DMXL1: variants seen among roughly 807,000 people sequenced by gnomAD.
DMXL1 encodes Dmx like 1.
A neutral mutation model predicts 319.2 loss-of-function variants in DMXL1; 99 were observed. The observed-to-expected ratio is 0.31, with a 90% confidence interval of 0.26 to 0.37. The LOEUF (loss-of-function observed/expected upper bound fraction) is 0.37. DMXL1 is among the 10% of genes least tolerant of loss of function. The pLI is 1.00. For synonymous variants in DMXL1, 1,385 were observed against 1,235.2 expected, an observed-to-expected ratio of 1.12 and a Z score of -2.54; for missense variants, 3,745 against 3,595.6, an observed-to-expected ratio of 1.04 and a Z score of -1.06.
chr5:119,227,735 A>G (rs1343193596), intron 38 of DMXL1, among the ~76,000 whole-genome samples: 2 of 152,134 alleles, frequency 1.3e-5, no homozygotes, highest in Non-Finnish European at 2.9e-5. Context: ...AAGCCTTGGT[A>G]ATACGACCGA....
In DMXL1 at chr5:119,240,118, A is replaced by T. The variant is rs185325008; in HGVS notation, c.8652-301A>T. On this transcript the variant is annotated intron_variant, in intron 41 of 43. Coordinates refer to ENST00000539542, the MANE Select transcript of DMXL1 (RefSeq NM_001290321.3). ...ACTCCATCTCTACAAAAAAAAATTT[A>T]AAAAATTAGCCAGACATGGTGGCAC... Among the ~76,000 whole-genome samples, 621 of 152,264 alleles carry T rather than the reference A, an allele frequency of 4.1e-3. 11 individuals are homozygous for T. Among genetic ancestry groups the T allele is most frequent in the South Asian group, 0.026 (127 of 4,818 alleles).
chr5:119,073,369 T>C (rs1321029564), intron 1 of DMXL1, among the ~76,000 whole-genome samples: 2 of 152,178 alleles, frequency 1.3e-5, no homozygotes, highest in Non-Finnish European at 2.9e-5. Flanking sequence ...GCCCTAAGAA[T>C]TTTTTCTAAG....
intron 1 of DMXL1, among the ~76,000 whole-genome samples, chr5:119,084,340 G>T (rs868693770): frequency 6.6e-6 from 1 of 151,752 alleles, no homozygotes; most frequent in African/African-American, 2.4e-5. Flanking sequence ...GGCTGGTCTC[G>T]AACTCCTGAC....
intron 1 of DMXL1, among the ~76,000 whole-genome samples, chr5:119,096,011 G>T (rs895553985): frequency 2.0e-5 from 3 of 152,124 alleles, no homozygotes; most frequent in African/African-American, 7.2e-5. Flanking sequence ...AGGTTCTGAA[G>T]CCCCACTCTG....
At chr5:119,130,718 G>A (rs1764680974) in intron 10 of DMXL1, among the ~76,000 whole-genome samples, 1 of 152,104 alleles carries the variant, frequency 6.6e-6, no homozygotes, top group African/African-American at 2.4e-5. Flanking sequence ...AGTATTCCAT[G>A]TCTAAGAGAA....
chr5:119,114,830 G>A (rs186014529), intron 6 of DMXL1, among the ~76,000 whole-genome samples: 6 of 152,102 alleles, frequency 3.9e-5, no homozygotes, highest in African/African-American at 1.2e-4. Flanking sequence ...CACTATGCCC[G>A]TCTAATTTTT....
At chr5:119,173,399 A>G (rs920786614) in intron 25 of DMXL1, among the ~76,000 whole-genome samples, 6 of 150,486 alleles carry the variant, frequency 4.0e-5, no homozygotes. Flanking sequence ...TTAAAAAGCC[A>G]TCATTTATTT....
chr5:119,210,768 T>TC (rs1782661278), intron 34 of DMXL1, among the ~76,000 whole-genome samples: 1 of 147,814 alleles, frequency 6.8e-6, no homozygotes, highest in Non-Finnish European at 1.5e-5. Flanking sequence ...TTTTTTTTTT[T>TC]TTTTTTTTGC....
chr5:119,203,380 G>T lies in DMXL1; in HGVS notation c.7807G>T (p.Glu2603Ter). 6.2e-7 allele frequency: 1 copy of T among 1,607,780 alleles called. No homozygotes were observed. Among genetic ancestry groups the T allele is most frequent in the Non-Finnish European group, 8.5e-7 (1 of 1,177,158 alleles). ...RLWQYLVKQEEIQETFIKNIF... is the reference protein window; with the variant it reads ...RLWQYLVKQE ...TTGGCAGTATTTGGTGAAGCAGGAA[G>T]AAATTCAGGAAACCTTTATCAAAAA... is the stretch of plus-strand genomic sequence containing the variant. Residue 2603 changes from glutamate to a stop codon, truncating the protein, a stop_gained, in exon 33 of 44, where the codon GAA becomes TAA. Coordinates refer to ENST00000539542, the MANE Select transcript of DMXL1 (RefSeq NM_001290321.3). LOFTEE classifies it high-confidence loss of function.
chr5:119,096,891 C>G (rs1369501693), intron 1 of DMXL1, among the ~76,000 whole-genome samples: 1 of 152,136 alleles, frequency 6.6e-6, no homozygotes, highest in African/African-American at 2.4e-5. Flanking sequence ...GAATTGAGGA[C>G]TAGAGTAGAG....
intron 19 of DMXL1, among the ~76,000 whole-genome samples, chr5:119,160,709 T>C: frequency 6.6e-6 from 1 of 152,298 alleles, no homozygotes; most frequent in Admixed American, 6.5e-5. Context: ...GTTGAGTACA[T>C]ATATATTTAT....
At chr5:119,130,739 G>T (rs1378120863) in intron 10 of DMXL1, among the ~76,000 whole-genome samples, 1 of 151,996 alleles carries the variant, frequency 6.6e-6, no homozygotes, top group Non-Finnish European at 1.5e-5. Flanking sequence ...ATGTCTAACA[G>T]GTCTTCTATT....
chr5:119,191,791 C>T (rs1191122585), intron 29 of DMXL1, among the ~76,000 whole-genome samples: 3 of 152,218 alleles, frequency 2.0e-5, no homozygotes, highest in Non-Finnish European at 4.4e-5. Context: ...ACAGCCTTCC[C>T]TGCTGACCCT....
intron 28 of DMXL1, among the ~76,000 whole-genome samples, chr5:119,183,318 G>T (rs115589823): frequency 1.4e-3 from 213 of 152,238 alleles, no homozygotes; most frequent in Admixed American, 3.1e-3. Context: ...AAAATATCTT[G>T]ACCAGAAAAG....
Position 119,166,726 on chromosome 5 carries a change from T to G in DMXL1, c.5081T>G (p.Phe1694Cys). Residue 1694 changes from phenylalanine to cysteine, a missense_variant, in exon 22 of 44, where the codon TTT becomes TGT. Physicochemically the swap from Phe to Cys is radical, Grantham distance 205. Transcript: ENST00000539542. Reference protein sequence around the residue: ...NAFSLLGKQRFEHSAAFFLLA... With the variant: ...NAFSLLGKQRCEHSAAFFLLA... ...TTTTCTTTGCTAGGCAAACAAAGAT[T>G]TGAACATTCTGCAGCATTTTTTCTT... The G allele has an allele frequency of 6.2e-7, 1 of 1,613,204 alleles. No individual in the cohort carries two copies. Among genetic ancestry groups the G allele is most frequent in the Non-Finnish European group, 8.5e-7 (1 of 1,179,648 alleles).
At chr5:119,203,627 T>C (rs1429930253) in intron 33 of DMXL1, among the ~76,000 whole-genome samples, 191 bp downstream of exon 33, 1 of 152,140 alleles carries the variant, frequency 6.6e-6, no homozygotes, top group Non-Finnish European at 1.5e-5. Context: ...TTAATTCAAA[T>C]GTATTTGGGA....
chr5:119,190,992 T>C (rs1778610245), intron 29 of DMXL1, among the ~76,000 whole-genome samples: 1 of 152,212 alleles, frequency 6.6e-6, no homozygotes, highest in African/African-American at 2.4e-5. Flanking sequence ...CTTGATAAAA[T>C]GTTTTATTTC....
chr5:119,080,287 C>T (rs886592231), intron 1 of DMXL1, among the ~76,000 whole-genome samples: 4 of 152,122 alleles, frequency 2.6e-5, no homozygotes, highest in African/African-American at 9.7e-5. Flanking sequence ...GCAGAGGTTG[C>T]AGTGAGCCAA....
At chr5:119,090,444 A>G (rs550960988) in intron 1 of DMXL1, among the ~76,000 whole-genome samples, 2 of 151,194 alleles carry the variant, frequency 1.3e-5, no homozygotes, top group African/African-American at 4.9e-5. Flanking sequence ...TAAGCTTTCT[A>G]CTTTCTCTTG....
Sources: gnomAD v4.1 joint callset for allele counts (sites outside exome capture counted in the v4.1 genomes callset) on GRCh38, gnomAD v4.1.1 for gene constraint, MANE v1.5 for transcripts, NCBI Gene and HGNC (gene_info 2026-07-23, HGNC 2026-07-21) for gene names.